ANKS1B: variants seen among roughly 807,000 people sequenced by gnomAD.
ANKS1B encodes ankyrin repeat and sterile alpha motif domain containing 1B.
ANKS1B carries 36 observed loss-of-function variants against 148.3 expected under a neutral mutation model. The ratio of observed to expected loss-of-function variants is 0.24; its 90% confidence interval spans 0.19 to 0.32. The LOEUF is 0.32. ANKS1B is among the 10% of genes least tolerant of loss of function. The probability of loss-of-function intolerance (pLI) is 1.00; values close to 1 mark genes in which losing one functional copy is unlikely to be tolerated. For missense variants in ANKS1B, 1,157 were observed against 1,542.6 expected (o/e 0.75, Z 4.19); for synonymous variants, 542 against 560.8 (o/e 0.97, Z 0.47).
intron 10 of ANKS1B, among the ~76,000 whole-genome samples, chr12:99,453,147 A>G (rs960727353): frequency 7.2e-5 from 11 of 151,956 alleles, no homozygotes; most frequent in East Asian, 5.8e-4. Flanking sequence ...AAAATTAGCC[A>G]GGCGTGGTGG....
At chr12:98,966,674 A>T (rs1489895336) in intron 17 of ANKS1B, among the ~76,000 whole-genome samples, 3 of 152,184 alleles carry the variant, frequency 2.0e-5, no homozygotes, top group Admixed American at 2.0e-4. Flanking sequence ...GATAGATTGG[A>T]TTAAGAAAAT....
chr12:99,302,126 T>C lies in ANKS1B; in HGVS notation c.1757-55262A>G, dbSNP rs184237579. On this transcript the variant is annotated intron_variant, in intron 12 of 26. Coordinates refer to ENST00000683438, the MANE Select transcript of ANKS1B (RefSeq NM_001352186.2). The stretch of plus-strand genomic sequence containing the variant: ...AGTGTTCACAGATGGAGATATTCTC[T>C]TTCCAATGGGATAACAGTACTGATT... Among the ~76,000 whole-genome samples the C allele has an allele frequency of 5.0e-3, 765 of 152,282 alleles. 1 individual carries two copies. Among genetic ancestry groups the C allele is most frequent in the Middle Eastern group, 0.014 (4 of 294 alleles).
At chr12:99,481,909 T>C (rs1017157288) in intron 10 of ANKS1B, among the ~76,000 whole-genome samples, 1 of 152,012 alleles carries the variant, frequency 6.6e-6, no homozygotes, top group Non-Finnish European at 1.5e-5. Flanking sequence ...CTGATTTGAG[T>C]TCCTTGTAGA....
At chr12:99,173,712 T>C (rs2078051527) in intron 14 of ANKS1B, among the ~76,000 whole-genome samples, 1 of 152,180 alleles carries the variant, frequency 6.6e-6, no homozygotes, top group Non-Finnish European at 1.5e-5. Flanking sequence ...CTGTTTTCTA[T>C]ACAACTCAGA....
At chr12:98,826,568 A>G (rs1417096012) in intron 19 of ANKS1B, among the ~76,000 whole-genome samples, 1 of 152,116 alleles carries the variant, frequency 6.6e-6, no homozygotes, top group African/African-American at 2.4e-5. Context: ...TAGCTCAGCT[A>G]AACTTGAAGT....
At chr12:99,103,439 C>T (rs1227929457) in intron 15 of ANKS1B, among the ~76,000 whole-genome samples, 2 of 152,106 alleles carry the variant, frequency 1.3e-5, no homozygotes, top group Non-Finnish European at 2.9e-5. Context: ...CTCATTTTTT[C>T]CTGCAATATT....
chr12:99,533,798 G>T (rs1410663193), intron 9 of ANKS1B, among the ~76,000 whole-genome samples: 1 of 152,080 alleles, frequency 6.6e-6, no homozygotes, highest in African/African-American at 2.4e-5. Context: ...ATGCTTCACA[G>T]AAATCCATAC....
intron 14 of ANKS1B, among the ~76,000 whole-genome samples, chr12:99,178,849 T>A (rs1371154532): frequency 6.6e-6 from 1 of 152,212 alleles, no homozygotes; most frequent in African/African-American, 2.4e-5. Flanking sequence ...CATAAAATCT[T>A]ATCGAGGTCA....
At chr12:99,883,987 A>T (rs185859479) in intron 1 of ANKS1B, among the ~76,000 whole-genome samples, 5 of 148,724 alleles carry the variant, frequency 3.4e-5, no homozygotes, top group Admixed American at 6.8e-5. Flanking sequence ...AAACTTAAGA[A>T]AACAAACAAC....
At chr12:99,307,658 A>G (rs1244255080) in intron 12 of ANKS1B, among the ~76,000 whole-genome samples, 1 of 151,944 alleles carries the variant, frequency 6.6e-6, no homozygotes, top group Non-Finnish European at 1.5e-5. Context: ...GTTGTGGTGG[A>G]AAAACACCTG....
At chr12:99,188,170 T>A (rs1322110622) in intron 14 of ANKS1B, among the ~76,000 whole-genome samples, 1 of 152,150 alleles carries the variant, frequency 6.6e-6, no homozygotes, top group East Asian at 1.9e-4. Flanking sequence ...ATGCACTCAA[T>A]AGAGGAGCAC....
chr12:99,642,802 T>C (rs1032509517), intron 9 of ANKS1B, among the ~76,000 whole-genome samples: 4 of 152,110 alleles, frequency 2.6e-5, no homozygotes, highest in African/African-American at 9.7e-5. Context: ...CTCAAATAAG[T>C]AAATTTATAA....
At chr12:99,351,131 T>C (rs2091371097) in intron 12 of ANKS1B, among the ~76,000 whole-genome samples, 1 of 152,114 alleles carries the variant, frequency 6.6e-6, no homozygotes, top group African/African-American at 2.4e-5. Context: ...GTGAGTCTGC[T>C]GATGGGCAGC....
intron 12 of ANKS1B, among the ~76,000 whole-genome samples, chr12:99,377,716 C>A (rs917153564): frequency 1.3e-5 from 2 of 152,136 alleles, no homozygotes; most frequent in Non-Finnish European, 2.9e-5. Flanking sequence ...ACCAGTGAAC[C>A]ATTTGTTTAT....
At chr12:99,664,117 C>CA (rs939092195) in intron 8 of ANKS1B, among the ~76,000 whole-genome samples, 31 of 145,204 alleles carry the variant, frequency 2.1e-4, no homozygotes, top group South Asian at 1.7e-3. Context: ...AAGCTAATTT[C>CA]AAAAAAAAAT....
At chr12:99,121,318 G>GGGGGGTGTGTGT (rs796549235) in intron 15 of ANKS1B, among the ~76,000 whole-genome samples, 4 of 105,926 alleles carry the variant, frequency 3.8e-5, no homozygotes, top group South Asian at 2.9e-4. Context: ...TGTGTATGTA[G>GGGGGGTGTGTGT]GTATGTGTGT....
intron 19 of ANKS1B, among the ~76,000 whole-genome samples, chr12:98,816,212 C>A (rs2099138603): frequency 6.6e-5 from 10 of 152,174 alleles, no homozygotes; most frequent in Admixed American, 5.9e-4. Flanking sequence ...TTCAGAGAAG[C>A]CTTCCCTAGG....
rs547901576 is a variant in ANKS1B at position 99,467,690 on chromosome 12, T to C, written c.1439-23881A>G. 5.3e-5 allele frequency among the ~76,000 whole-genome samples: 8 copies of C among 152,262 alleles called. No individual in the cohort carries two copies. In the South Asian group the frequency reaches 6.2e-4, roughly 12 times the overall value. ...ATCATGAGTGAACTCCCATTCACAA[T>C]TGCTTCAAAGAGAATAAAATACCTA... On this transcript the variant is annotated intron_variant, in intron 10 of 26. Transcript: ENST00000683438.
intron 23 of ANKS1B, 138 bp from the exon 24 acceptor site, chr12:98,781,341 C>T (rs1323032260): frequency 1.5e-6 from 1 of 676,858 alleles, no homozygotes; most frequent in Non-Finnish European, 2.7e-6. Flanking sequence ...CACACACACA[C>T]ATCAGATACA....
Sources: gnomAD v4.1 joint callset for allele counts (sites outside exome capture counted in the v4.1 genomes callset) on GRCh38, gnomAD v4.1.1 for gene constraint, MANE v1.5 for transcripts, NCBI Gene and HGNC (gene_info 2026-07-23, HGNC 2026-07-21) for gene names.